Variants in CEP95 observed in about 807,000 individuals in gnomAD.
CEP95 encodes centrosomal protein 95.
CEP95 carries 98 observed loss-of-function variants against 111.2 expected under a neutral mutation model. That is an observed-to-expected ratio of 0.88 (90% CI 0.75 to 1.04). The LOEUF is 1.04. CEP95 is among the 50% of genes least tolerant of loss of function. The pLI is 0.00. For missense variants in CEP95, 1,027 were observed against 977.2 expected, an observed-to-expected ratio of 1.05 and a Z score of -0.68; for synonymous variants, 323 against 327.1, an observed-to-expected ratio of 0.99 and a Z score of 0.14.
intron 1 of CEP95, chr17:64,507,853 T>C (rs782570187): frequency 8.1e-6 from 8 of 985,448 alleles, no homozygotes; most frequent in Non-Finnish European, 8.4e-6. Context: ...TTCCCAGGCA[T>C]TTCAAGGAAC....
chr17:64,512,093 C>T (rs2038927893), intron 3 of CEP95, among the ~76,000 whole-genome samples: 2 of 152,188 alleles, frequency 1.3e-5, no homozygotes, highest in Non-Finnish European at 1.5e-5. Context: ...TGAATATGCT[C>T]TTTGTGCACA....
chr17:64,527,005 GT>G (rs1967869670), intron 10 of CEP95, 105 bp from the exon 11 acceptor site: 2 of 795,172 alleles, frequency 2.5e-6, no homozygotes, highest in South Asian at 3.5e-5. Flanking sequence ...CTGAAAACTT[GT>G]TATTAGTGAC....
chr17:64,508,243 G>T, intron 1 of CEP95: 1 of 985,356 alleles, frequency 1.0e-6, no homozygotes, highest in Non-Finnish European at 1.2e-6. Context: ...TGTTGTTTAT[G>T]ACATAATATT....
At chr17:64,506,776 C>T (rs546080253), upstream of CEP95, 26 of 528,072 alleles carry the variant, frequency 4.9e-5, no homozygotes, top group African/African-American at 2.3e-4. Context: ...TGCTCGCACC[C>T]CGGGACCCGC....
chr17:64,529,158 G>T, intron 11 of CEP95, 130 bp from the exon 12 acceptor site: 1 of 726,398 alleles, frequency 1.4e-6, no homozygotes, highest in Non-Finnish European at 2.2e-6. Context: ...ATTCAAGTTA[G>T]TTACAGGAGA....
chr17:64,536,934 T>A, intron 18 of CEP95, 107 bp from the exon 19 acceptor site: 1 of 1,244,554 alleles, frequency 8.0e-7, no homozygotes, highest in Non-Finnish European at 1.1e-6. Flanking sequence ...TACAGTATAT[T>A]TCCCTATTTC....
Position 64,521,448 on chromosome 17 carries a change from A to G in CEP95, c.636A>G (p.Ser212=), listed in dbSNP as rs782256768. 5.0e-6 allele frequency: 8 copies of G among 1,612,558 alleles called. No homozygotes were observed. The highest frequency in any genetic ancestry group is 5.9e-6 in the Non-Finnish European group (7 of 1,178,838). Residue 212 remains serine, a synonymous_variant, in exon 7 of 20, where the codon TCA becomes TCG. Transcript: ENST00000556440. ...NEMLSKKALA[S]PSSKSHEDML... ...TGCTGTCTAAAAAAGCCTTAGCCTC[A>G]CCAAGTTCTAAATCACATGAAGATA...
At chr17:64,511,117 C>A (rs1352809619) in intron 3 of CEP95, among the ~76,000 whole-genome samples, 2 of 152,108 alleles carry the variant, frequency 1.3e-5, no homozygotes, top group African/African-American at 4.8e-5. Context: ...AATAGAATAT[C>A]ACAAGGCAAA....
At chr17:64,509,663 C>T (rs989848471) in intron 2 of CEP95, among the ~76,000 whole-genome samples, 9 of 151,956 alleles carry the variant, frequency 5.9e-5, no homozygotes, top group East Asian at 3.9e-4. Context: ...CCAGCCTGGG[C>T]GATAGAGCGA....
At chr17:64,534,513 GC>G in intron 16 of CEP95, 71 bp from the exon 17 acceptor site, 2 of 1,367,586 alleles carry the variant, frequency 1.5e-6, no homozygotes, top group Non-Finnish European at 1.0e-6. Context: ...GGGGAGTGAG[GC>G]AGATGAGAAC....
At chr17:64,512,911 G>A (rs766538344) in intron 3 of CEP95, among the ~76,000 whole-genome samples, 11 of 152,102 alleles carry the variant, frequency 7.2e-5, no homozygotes, top group Non-Finnish European at 1.2e-4. Flanking sequence ...ATACATGTTT[G>A]TAAAACTCTT....
chr17:64,525,828 T>A lies in CEP95; in HGVS notation c.968T>A (p.Val323Glu), dbSNP rs1226110332. ...TTGCCTAAAGGCAGCAAATGGGAAGTATATCCAGCTCAGGTCCAAGGGCCT... is the reference window on the plus strand; with the variant it reads ...TTGCCTAAAGGCAGCAAATGGGAAGAATATCCAGCTCAGGTCCAAGGGCCT... ...SKLPKGSKWE[V>E]YPAQVQGPRT... Residue 323 changes from valine to glutamate, a missense_variant, in exon 9 of 20, where the codon GTA becomes GAA. Val to Glu is a moderately radical substitution (Grantham distance 121). Transcript: ENST00000556440. 6.2e-7 allele frequency: 1 copy of A among 1,605,550 alleles called. No individual in the cohort carries two copies. Among genetic ancestry groups the A allele is most frequent in the African/African-American group, 1.3e-5 (1 of 74,232 alleles).
chr17:64,523,007 CTT>C (rs1967484643), intron 8 of CEP95, 112 bp downstream of exon 8: 2 of 803,878 alleles, frequency 2.5e-6, no homozygotes, highest in South Asian at 3.8e-5. Flanking sequence ...TTGGTGAAGT[CTT>C]TATTCTTTGT....
intron 16 of CEP95, 100 bp from the exon 17 acceptor site, chr17:64,534,485 G>T: frequency 9.0e-7 from 1 of 1,107,292 alleles, no homozygotes; most frequent in Non-Finnish European, 1.3e-6. Flanking sequence ...GTGACATACT[G>T]CCTGAAGACA....
chr17:64,518,119 C>T (rs781853656), intron 5 of CEP95, among the ~76,000 whole-genome samples: 3 of 152,162 alleles, frequency 2.0e-5, no homozygotes, highest in Admixed American at 6.5e-5. Context: ...TCAAGTGATC[C>T]GCCTGCCTCA....
chr17:64,513,365 A>G lies in CEP95; in HGVS notation c.257-883A>G, dbSNP rs533445693. Among the ~76,000 whole-genome samples, 34 of 152,260 alleles carry G rather than the reference A, an allele frequency of 2.2e-4. No homozygotes were observed. The South Asian group carries it at 4.8e-3, about 21-fold the overall frequency. On this transcript the variant is annotated intron_variant, in intron 3 of 19. Transcript: ENST00000556440. Reference sequence around the variant, plus strand: ...CAGAGTGTCACAAGGGTTAAGTACTATCTATACCTGAGGTTGATTTGGAGT... The same window carrying G: ...CAGAGTGTCACAAGGGTTAAGTACTGTCTATACCTGAGGTTGATTTGGAGT...
At chr17:64,536,814 T>G (rs1420450234) in intron 18 of CEP95, 66 bp downstream of exon 18, 7 of 1,517,602 alleles carry the variant, frequency 4.6e-6, no homozygotes, top group Non-Finnish European at 6.2e-6. Flanking sequence ...GTGGCAAAAC[T>G]TGCTTAGTCT....
chr17:64,537,840 T>C lies in CEP95; in HGVS notation c.*61T>C. 9.4e-7 allele frequency: 1 copy of C among 1,060,216 alleles called. No individual in the cohort carries two copies. Among genetic ancestry groups the C allele is most frequent in the Non-Finnish European group, 1.3e-6 (1 of 774,334 alleles). 65.7% of individuals were successfully genotyped at this position (1,060,216 alleles called of 1,614,324 possible). ...GGCCTTTACCAGGACAGAGCTAGAATCGAGCCAGTAAACAGTCTAAGCCAG... is the reference window on the plus strand; with the variant it reads ...GGCCTTTACCAGGACAGAGCTAGAACCGAGCCAGTAAACAGTCTAAGCCAG... On this transcript the variant is annotated 3_prime_UTR_variant, in exon 20 of 20. Coordinates refer to ENST00000556440, the MANE Select transcript of CEP95 (RefSeq NM_138363.3).
At chr17:64,526,007 GTTATT>G (rs1967787590) in intron 9 of CEP95, 59 bp from the exon 10 acceptor site, 1 of 1,558,298 alleles carries the variant, frequency 6.4e-7, no homozygotes, top group Non-Finnish European at 8.7e-7. Context: ...ACGTATTACA[GTTATT>G]TTAAACTAAA....
Sources: allele counts gnomAD v4.1 joint callset (sites outside exome capture counted in the v4.1 genomes callset), GRCh38; gene constraint gnomAD v4.1.1; transcripts MANE v1.5; gene names NCBI Gene and HGNC (gene_info 2026-07-23, HGNC 2026-07-21).